The following CFAP57 variants were observed in gnomAD, a reference collection of about 807,000 sequenced individuals.
CFAP57 encodes the protein cilia- and flagella-associated protein 57.
In CFAP57, 116 loss-of-function variants were observed where a neutral mutation model predicts 146.8. That is an observed-to-expected ratio of 0.79 (90% CI 0.68 to 0.92). The LOEUF (loss-of-function observed/expected upper bound fraction) is 0.92. Ranked by LOEUF, CFAP57 falls within the 40% of genes least tolerant of loss-of-function variation. The probability of loss-of-function intolerance (pLI) is 0.00; values close to 1 mark genes in which losing one functional copy is unlikely to be tolerated. For synonymous variants in CFAP57, 518 were observed against 552.8 expected (o/e 0.94, Z 0.88); for missense variants, 1,377 against 1,527.2 (o/e 0.90, Z 1.64).
At chr1:43,252,266 G>T (rs188004536) in intron 22 of CFAP57, among the ~76,000 whole-genome samples, 182 of 152,156 alleles carry the variant, frequency 1.2e-3, no homozygotes, top group Admixed American at 2.0e-3. Flanking sequence ...TAAGAAGATG[G>T]GTGAGAAACT....
At chr1:43,231,165 G>A (rs1645450730) in intron 18 of CFAP57, among the ~76,000 whole-genome samples, 1 of 152,144 alleles carries the variant, frequency 6.6e-6, no homozygotes, top group South Asian at 2.1e-4. Context: ...GGGTCAGAGG[G>A]CTATTCTGTC....
Position 43,209,901 on chromosome 1 carries a change from C to A in CFAP57, c.1914C>A (p.Ala638=). ...AATTCAATGAGTACCAGGCCCATGC[C>A]GGTCCTATCACCAAGGTGAGCAGGG... ...QKEFNEYQAH[A]GPITKMLLTF... Residue 638 remains alanine (A), a synonymous_variant, in exon 11 of 23, where the codon GCC becomes GCA. Coordinates refer to ENST00000372492, the MANE Select transcript of CFAP57 (RefSeq NM_001378189.1). 1 of 1,614,246 alleles carries A rather than the reference C, an allele frequency of 6.2e-7. No homozygotes were observed.
rs201789494 is a variant in CFAP57 at position 43,198,659 on chromosome 1, C to T, written c.1428+13C>T. The T allele has an allele frequency of 4.3e-4, 685 of 1,603,050 alleles. 2 individuals are homozygous for T. In the African/African-American group the frequency reaches 8.3e-3, roughly 19 times the overall value. ...AGGATGCGGAGAGGTAAAAAAAAAA[C>T]TGCTGAAGACAAAAGTCCAGTTTCT... On this transcript the variant is annotated intron_variant, in intron 8 of 22. Transcript: ENST00000372492.
At position 43,234,628 on chromosome 1, in the gene CFAP57, G is replaced by T. The variant is rs772518661; in HGVS notation, c.3395G>T (p.Arg1132Leu). 8.4e-6 allele frequency: 13 copies of T among 1,549,024 alleles called. No homozygotes were observed. The highest frequency in any genetic ancestry group is 1.4e-5 in the African/African-American group (1 of 72,974). Residue 1132 changes from arginine to leucine, a missense_variant, in exon 21 of 23, where the codon CGC becomes CTC. By Grantham distance (102) the Arg-to-Leu change is moderately radical. Transcript: ENST00000372492. ...EGELHRTDYV[R>L]IMQENVSLIK... Reference sequence around the variant, plus strand: ...GAGCTGCACCGCACAGACTACGTCCGCATCATGCAGGTACCTGCATGCTCC... The same window carrying T: ...GAGCTGCACCGCACAGACTACGTCCTCATCATGCAGGTACCTGCATGCTCC...
chr1:43,172,766 G>C lies in CFAP57; in HGVS notation c.13G>C (p.Val5Leu). 6.2e-7 allele frequency: 1 copy of C among 1,614,144 alleles called. No homozygotes were observed. Among genetic ancestry groups the C allele is most frequent in the East Asian group, 2.2e-5 (1 of 44,886 alleles). MSAV[V>L]AQTLHVFGLR... ...TTGGCGGGAGATCATGTCAGCCGTG[G>C]TAGCTCAGACGCTGCATGTTTTTGG... The change falls in exon 2 of 23, where the codon GTA becomes CTA. Residue 5 changes from valine to leucine, a missense_variant. By Grantham distance (32) the Val-to-Leu change is conservative. Coordinates refer to ENST00000372492, the MANE Select transcript of CFAP57 (RefSeq NM_001378189.1).
chr1:43,198,619 A>G lies in CFAP57; in HGVS notation c.1401A>G (p.Lys467=). The change falls in exon 8 of 23, where the codon AAA becomes AAG. Residue 467 remains lysine (K), a synonymous_variant. Transcript: ENST00000372492. The part of the protein sequence containing the change: ...NLLIDDIRSF[K]EYSVRGCGEC... ...TCATTGATGATATACGTTCTTTCAA[A>G]GAATACTCTGTTAGAGGATGCGGAG... The G allele has an allele frequency of 6.2e-7, 1 of 1,613,844 alleles. No homozygotes were observed. Among genetic ancestry groups the G allele is most frequent in the Non-Finnish European group, 8.5e-7 (1 of 1,179,972 alleles).
intron 6 of CFAP57, 118 bp downstream of exon 6, chr1:43,186,977 A>G: frequency 8.3e-7 from 1 of 1,206,674 alleles, no homozygotes; most frequent in Non-Finnish European, 1.2e-6. Context: ...GCATCCCCTT[A>G]ATACAGAGCA....
At chr1:43,185,473 A>C (rs746499159) in intron 5 of CFAP57, 117 bp downstream of exon 5, 2 of 850,822 alleles carry the variant, frequency 2.4e-6, no homozygotes, top group Non-Finnish European at 3.9e-6. Flanking sequence ...TGCTGAGCAG[A>C]AATGGTGAAA....
chr1:43,246,753 A>G (rs1334391939), intron 22 of CFAP57, among the ~76,000 whole-genome samples: 3 of 152,230 alleles, frequency 2.0e-5, no homozygotes, highest in Non-Finnish European at 4.4e-5. Context: ...ATCTGGCATC[A>G]TGCTTAATTG....
At chr1:43,203,462 A>G (rs1030789638) in intron 9 of CFAP57, among the ~76,000 whole-genome samples, 2 of 152,100 alleles carry the variant, frequency 1.3e-5, no homozygotes, top group African/African-American at 2.4e-5. Flanking sequence ...ATAGAAATAT[A>G]TATTTATATA....
At chr1:43,185,466 T>C in intron 5 of CFAP57, 110 bp downstream of exon 5, 1 of 979,148 alleles carries the variant, frequency 1.0e-6, no homozygotes. Context: ...GCAGGATTGC[T>C]GAGCAGAAAT....
At chr1:43,236,905 T>TC (rs1553187244) in intron 21 of CFAP57, among the ~76,000 whole-genome samples, 45,570 of 118,774 alleles carry the variant, frequency 0.38, 7,877 homozygotes, top group Non-Finnish European at 0.48. Context: ...CGAGACTCCA[T>TC]CCCCCCCCAA....
chr1:43,234,466 C>G, intron 20 of CFAP57, 29 bp from the exon 21 acceptor site: 1 of 1,543,538 alleles, frequency 6.5e-7, no homozygotes, highest in Non-Finnish European at 8.8e-7. Flanking sequence ...TCTCCTCTCC[C>G]TCACTGAGAA....
Position 43,227,124 on chromosome 1 carries a change from G to A in CFAP57, c.3007G>A (p.Glu1003Lys). ...CAGGGTGATGAAGGAACAGATTCAG[G>A]AGGTAAGAAGCCATTTGCAACACTC... is the stretch of plus-strand genomic sequence containing the variant. ...EIRVMKEQIQ[E>K]MEAELENFHK... The change falls in exon 18 of 23, where the codon GAG becomes AAG. Residue 1003 changes from glutamate to lysine, a missense_variant and splice_region_variant. Coordinates refer to ENST00000372492, the MANE Select transcript of CFAP57 (RefSeq NM_001378189.1). 1 of 1,529,672 alleles carries A rather than the reference G, an allele frequency of 6.5e-7. No individual in the cohort carries two copies. The highest frequency in any genetic ancestry group is 8.8e-7 in the Non-Finnish European group (1 of 1,138,478). The allele number at this position is 1,529,672 out of a possible 1,614,324, so 94.8% of individuals were successfully genotyped here.
intron 12 of CFAP57, among the ~76,000 whole-genome samples, chr1:43,217,691 C>A (rs894932581): frequency 6.6e-6 from 1 of 152,170 alleles, no homozygotes; most frequent in African/African-American, 2.4e-5. Flanking sequence ...CCCTGTCTGT[C>A]TCTCGCCTGG....
intron 3 of CFAP57, among the ~76,000 whole-genome samples, chr1:43,182,421 G>A (rs1645452522): frequency 6.6e-6 from 1 of 152,120 alleles, no homozygotes; most frequent in Admixed American, 6.5e-5. Context: ...CCTAGTCTAG[G>A]ATCTAGCACT....
chr1:43,222,666 G>A (rs1175391798), intron 15 of CFAP57, among the ~76,000 whole-genome samples, 158 bp from the exon 16 acceptor site: 1 of 152,202 alleles, frequency 6.6e-6, no homozygotes, highest in Admixed American at 6.5e-5. Context: ...AAGGTGGACA[G>A]GTCAAGGGCC....
At chr1:43,210,272 A>G in intron 11 of CFAP57, 2 of 1,457,170 alleles carry the variant, frequency 1.4e-6, no homozygotes, top group Non-Finnish European at 1.8e-6. Context: ...GAAAGGAGCC[A>G]TAGCCCTGAA....
chr1:43,245,543 A>G (rs1370701321), intron 22 of CFAP57, among the ~76,000 whole-genome samples: 1 of 152,150 alleles, frequency 6.6e-6, no homozygotes, highest in Non-Finnish European at 1.5e-5. Context: ...TGATTCATCA[A>G]CATACCCCCA....
Sources: allele counts gnomAD v4.1 joint callset (sites outside exome capture counted in the v4.1 genomes callset), GRCh38; gene constraint gnomAD v4.1.1; transcripts MANE v1.5; gene names NCBI Gene and HGNC (gene_info 2026-07-23, HGNC 2026-07-21).